THSD4: variants seen among roughly 807,000 people sequenced by gnomAD.
THSD4 encodes thrombospondin type 1 domain containing 4.
THSD4 carries 69 observed loss-of-function variants against 119.0 expected under a neutral mutation model. The ratio of observed to expected loss-of-function variants is 0.58; its 90% CI spans 0.48 to 0.71. The LOEUF (loss-of-function observed/expected upper bound fraction) is 0.71. Ranked by LOEUF, THSD4 falls within the 30% of genes least tolerant of loss-of-function variation. The pLI is 0.00. For synonymous variants in THSD4, 524 were observed against 540.4 expected (o/e 0.97, Z 0.42); for missense variants, 1,393 against 1,391.1 (o/e 1.00, Z -0.02).
intron 7 of THSD4, among the ~76,000 whole-genome samples, chr15:71,599,299 A>T (rs2049964152): frequency 6.6e-6 from 1 of 152,140 alleles, no homozygotes; most frequent in Admixed American, 6.5e-5. Flanking sequence ...TTTCCATCCA[A>T]GTAGAAATAT....
At chr15:71,604,762 A>G in intron 7 of THSD4, among the ~76,000 whole-genome samples, 1 of 152,220 alleles carries the variant, frequency 6.6e-6, no homozygotes, top group East Asian at 1.9e-4. Flanking sequence ...GTCACTTGTA[A>G]TATGCAAGCC....
intron 7 of THSD4, among the ~76,000 whole-genome samples, chr15:71,596,702 A>G (rs1315701726): frequency 1.3e-5 from 2 of 152,232 alleles, no homozygotes; most frequent in African/African-American, 4.8e-5. Context: ...ATTGTTAATG[A>G]TAGAACCACC....
At chr15:71,110,909 A>G (rs528926275), upstream of THSD4, 1 of 534,862 alleles carries the variant, frequency 1.9e-6, no homozygotes, top group Admixed American at 3.4e-5. Context: ...CCCTGGGCGT[A>G]TGCCGTAGAT....
intron 6 of THSD4, among the ~76,000 whole-genome samples, chr15:71,392,178 A>C (rs1365895587): frequency 1.3e-5 from 2 of 152,182 alleles, no homozygotes; most frequent in African/African-American, 4.8e-5. Flanking sequence ...CCCACCCCCA[A>C]CTTTTCTGCC....
Position 71,525,953 on chromosome 15 carries a change from C to T in THSD4, c.1152+114130C>T, listed in dbSNP as rs147234301. ...CCAGGAGCTTCTAACACCCGACACA[C>T]GCAGACACTCAGTAAACAGTAAGTG... On this transcript the variant is annotated intron_variant, in intron 7 of 17. Transcript: ENST00000261862. Among the ~76,000 whole-genome samples, 39 of 152,248 alleles carry T rather than the reference C, an allele frequency of 2.6e-4. No individual in the cohort carries two copies. The East Asian group carries it at 7.1e-3, about 28-fold the overall frequency.
At chr15:71,137,858 C>T (rs1249758812) in intron 1 of THSD4, among the ~76,000 whole-genome samples, 1 of 152,166 alleles carries the variant, frequency 6.6e-6, no homozygotes, top group Non-Finnish European at 1.5e-5. Context: ...AATAAGCATA[C>T]AACTTCAATA....
At chr15:71,332,087 AG>A (rs1295597973) in intron 6 of THSD4, among the ~76,000 whole-genome samples, 1 of 152,180 alleles carries the variant, frequency 6.6e-6, no homozygotes, top group Non-Finnish European at 1.5e-5. Context: ...CAATGCCATC[AG>A]GGAGTCCTGC....
At chr15:71,535,548 C>T (rs2048678032) in intron 7 of THSD4, among the ~76,000 whole-genome samples, 1 of 152,148 alleles carries the variant, frequency 6.6e-6, no homozygotes, top group Non-Finnish European at 1.5e-5. Flanking sequence ...CAGCTGCAGA[C>T]TTTTCCAAGG....
chr15:71,172,713 ATATATATATATATATATATATG>A (rs1474489243), intron 3 of THSD4, among the ~76,000 whole-genome samples: 2 of 116,522 alleles, frequency 1.7e-5, no homozygotes, highest in African/African-American at 8.0e-5. Context: ...ATATATATAT[ATATATATATATATATATATATG>A]TGGACAATTG....
At chr15:71,212,118 C>A (rs1199505710) in intron 3 of THSD4, among the ~76,000 whole-genome samples, 1 of 151,918 alleles carries the variant, frequency 6.6e-6, no homozygotes, top group African/African-American at 2.4e-5. Context: ...AAGCCCTCAT[C>A]CCCTCATTTT....
intron 6 of THSD4, among the ~76,000 whole-genome samples, chr15:71,262,626 G>T (rs1049799829): frequency 1.1e-5 from 1 of 89,612 alleles, no homozygotes; most frequent in Non-Finnish European, 2.2e-5. Context: ...TGAGTGCACT[G>T]TGTGTCCCTG....
intron 7 of THSD4, among the ~76,000 whole-genome samples, chr15:71,469,994 G>A (rs984317752): frequency 1.3e-5 from 2 of 152,142 alleles, no homozygotes; most frequent in Admixed American, 6.6e-5. Flanking sequence ...CATATAAATA[G>A]GAGTTCACTA....
intron 6 of THSD4, among the ~76,000 whole-genome samples, chr15:71,362,609 C>T (rs1223301966): frequency 6.6e-6 from 1 of 152,062 alleles, no homozygotes; most frequent in African/African-American, 2.4e-5. Flanking sequence ...GCACATACAT[C>T]GATCATACTG....
At chr15:71,131,554 C>A (rs546133520) in intron 1 of THSD4, among the ~76,000 whole-genome samples, 78 of 151,512 alleles carry the variant, frequency 5.1e-4, no homozygotes, top group African/African-American at 1.7e-3. Flanking sequence ...ACAGAAGAGA[C>A]AGTATACATG....
At chr15:71,313,699 T>A (rs937815841) in intron 6 of THSD4, among the ~76,000 whole-genome samples, 2 of 152,158 alleles carry the variant, frequency 1.3e-5, no homozygotes, top group Admixed American at 1.3e-4. Context: ...AGGAGAAGCA[T>A]GTCATTTTTT....
chr15:71,700,053 A>G (rs1412447290), intron 8 of THSD4, among the ~76,000 whole-genome samples: 1 of 152,230 alleles, frequency 6.6e-6, no homozygotes, highest in East Asian at 1.9e-4. Flanking sequence ...TTTCGAGGAA[A>G]AGATAAGGAT....
intron 7 of THSD4, among the ~76,000 whole-genome samples, chr15:71,551,613 G>A (rs2048930109): frequency 6.6e-6 from 1 of 152,176 alleles, no homozygotes; most frequent in South Asian, 2.1e-4. Context: ...GGTTCCTGGG[G>A]TAAAGTCTGG....
At chr15:71,587,415 C>T (rs796646127) in intron 7 of THSD4, among the ~76,000 whole-genome samples, 40 of 116,150 alleles carry the variant, frequency 3.4e-4, no homozygotes, top group African/African-American at 9.8e-4. Context: ...AAATGTGGCA[C>T]ATATACACCA....
At chr15:71,406,874 G>C (rs1412794229) in intron 6 of THSD4, among the ~76,000 whole-genome samples, 1 of 151,934 alleles carries the variant, frequency 6.6e-6, no homozygotes. Flanking sequence ...AATAAAGATA[G>C]GGTTTTGCCA....
Sources: gnomAD v4.1 joint callset for allele counts (sites outside exome capture counted in the v4.1 genomes callset) on GRCh38, gnomAD v4.1.1 for gene constraint, MANE v1.5 for transcripts, NCBI Gene and HGNC (gene_info 2026-07-23, HGNC 2026-07-21) for gene names.